STK24: variants seen among roughly 807,000 people sequenced by gnomAD.
STK24 encodes serine/threonine-protein kinase 24.
Under a neutral mutation model 55.6 loss-of-function variants are expected in STK24, and 21 were observed. That is an observed-to-expected ratio of 0.38 (90% CI 0.27 to 0.54). STK24 has a LOEUF of 0.54. Among genes scored for constraint, STK24 ranks in the 20% least tolerant of loss-of-function variants. The pLI, the probability that STK24 is intolerant of heterozygous loss-of-function variation, is 0.79. For synonymous variants in STK24, 200 were observed against 215.2 expected, an observed-to-expected ratio of 0.93 and a Z score of 0.62; for missense variants, 383 against 538.4, an observed-to-expected ratio of 0.71 and a Z score of 2.86.
At chr13:98,509,262 C>T (rs2139361762) in intron 2 of STK24, among the ~76,000 whole-genome samples, 1 of 152,174 alleles carries the variant, frequency 6.6e-6, no homozygotes, top group South Asian at 2.1e-4. Flanking sequence ...ACTGTTATAG[C>T]TAAGAGATTG....
chr13:98,566,809 T>C (rs1228107671), intron 1 of STK24, among the ~76,000 whole-genome samples: 3 of 152,194 alleles, frequency 2.0e-5, no homozygotes, highest in Non-Finnish European at 4.4e-5. Context: ...TTTTTCTGTG[T>C]GAATTACCTC....
chr13:98,558,227 A>G (rs1245392666), intron 1 of STK24, among the ~76,000 whole-genome samples: 1 of 152,142 alleles, frequency 6.6e-6, no homozygotes, highest in Non-Finnish European at 1.5e-5. Flanking sequence ...ATTGGCTGAT[A>G]TACCACCTAT....
At chr13:98,576,147 G>A (rs1897884922) in intron 1 of STK24, 26 of 985,050 alleles carry the variant, frequency 2.6e-5, no homozygotes, top group Non-Finnish European at 2.9e-5. Flanking sequence ...ACTTTCCCCC[G>A]GTCCGCAGGT....
intron 8 of STK24, 79 bp from the exon 9 acceptor site, chr13:98,460,519 G>T: frequency 1.7e-6 from 2 of 1,199,868 alleles, no homozygotes; most frequent in Non-Finnish European, 2.5e-6. Context: ...CTCCCACCTG[G>T]ACTATGGAAG....
rs55720452 is a variant in STK24 at position 98,538,222 on chromosome 13, C to CTTTTTTT, written c.43-18756_43-18750dup. ...AGGTCAATCACTGCTTTGGTGCTTG[C>CTTTTTTT]TTTTTTTTTTTTTTTTTTTTTGAGA... On this transcript the variant is annotated intron_variant, in intron 1 of 10. Transcript: ENST00000539966. 9.5e-4 allele frequency among the ~76,000 whole-genome samples: 87 copies of CTTTTTTT among 91,624 alleles called. 4 individuals carry two copies. Among genetic ancestry groups the CTTTTTTT allele is most frequent in the Non-Finnish European group, 1.3e-3 (63 of 48,854 alleles). The allele number at this position is 91,624 out of a possible 152,430, so 60.1% of individuals were successfully genotyped here.
intron 1 of STK24, among the ~76,000 whole-genome samples, chr13:98,540,759 A>G (rs1261670228): frequency 6.8e-6 from 1 of 146,962 alleles, no homozygotes; most frequent in South Asian, 2.3e-4. Flanking sequence ...CTAAATATTA[A>G]AAGCAAAAAA....
rs777629746 is a variant in STK24, at chr13:98,474,802, G to GCCCTCACCCTCC, written c.597+7_597+18dup. On this transcript the variant is annotated intron_variant, in intron 5 of 10. Transcript: ENST00000539966. ...TCCAGGCCTCGTGAGGCACGGCGCC[G>GCCCTCACCCTCC]CCCTCACCCTCCCCTCACCTTCGAG... 6.3e-7 allele frequency: 1 copy of GCCCTCACCCTCC among 1,598,038 alleles called. No homozygotes were observed. The highest frequency in any genetic ancestry group is 1.1e-5 in the South Asian group (1 of 88,810).
intron 7 of STK24, among the ~76,000 whole-genome samples, chr13:98,462,973 G>C (rs1041510775): frequency 6.6e-6 from 1 of 152,152 alleles, no homozygotes; most frequent in Non-Finnish European, 1.5e-5. Flanking sequence ...AGAACTTCCG[G>C]GGGCAGTGGT....
At chr13:98,502,857 G>A (rs1215833136) in intron 2 of STK24, among the ~76,000 whole-genome samples, 1 of 152,090 alleles carries the variant, frequency 6.6e-6, no homozygotes, top group Non-Finnish European at 1.5e-5. Context: ...AGAGGGAGAA[G>A]ACAGCACTGG....
chr13:98,521,891 C>G (rs1346065790), intron 1 of STK24: 1 of 893,592 alleles, frequency 1.1e-6, no homozygotes, highest in South Asian at 1.3e-5. Context: ...CAGTAACCCC[C>G]TTCTCGCTCC....
chr13:98,524,393 G>T (rs1216882538), intron 1 of STK24, among the ~76,000 whole-genome samples: 1 of 152,210 alleles, frequency 6.6e-6, no homozygotes, highest in Admixed American at 6.5e-5. Context: ...TCAGCAGCAT[G>T]TGGAGAGGCC....
chr13:98,491,491 C>T (rs1437568600), intron 2 of STK24, among the ~76,000 whole-genome samples: 2 of 152,070 alleles, frequency 1.3e-5, no homozygotes, highest in East Asian at 1.9e-4. Flanking sequence ...ACGATAAAAC[C>T]TGAAATAACA....
At chr13:98,520,885 G>A (rs879594965) in intron 1 of STK24, among the ~76,000 whole-genome samples, 7 of 152,264 alleles carry the variant, frequency 4.6e-5, no homozygotes, top group Non-Finnish European at 1.0e-4. Context: ...CAGGGGCGCA[G>A]AGCCCCTGCC....
rs1893091610 is a variant in STK24 at position 98,449,662 on chromosome 13, G to GTT, written c.*3509_*3510dup. 1 of 152,564 alleles carries GTT rather than the reference G, an allele frequency of 6.6e-6. No individual in the cohort carries two copies. The highest frequency in any genetic ancestry group is 1.5e-5 in the Non-Finnish European group (1 of 68,048). The allele number at this position is 152,564 out of a possible 1,614,324, so 9.5% of individuals were successfully genotyped here. On this transcript the variant is annotated 3_prime_UTR_variant, in exon 11 of 11. Transcript: ENST00000539966. ...CAAACGGACGAAGAGCCTGCCGTGT[G>GTT]TTAATCATTTGCCTTACAAGATGTA...
chr13:98,549,476 G>A lies in STK24; in HGVS notation c.42+27269C>T, dbSNP rs139316020. On this transcript the variant is annotated intron_variant, in intron 1 of 10. Transcript: ENST00000539966. Reference sequence around the variant, plus strand: ...CCCAGTGTTGGAGGTGGGGCCTGCTGGGAGGTGTTTGGATCATGGGGGTGG... The same window carrying A: ...CCCAGTGTTGGAGGTGGGGCCTGCTAGGAGGTGTTTGGATCATGGGGGTGG... Among the ~76,000 whole-genome samples, 618 of 152,314 alleles carry A rather than the reference G, an allele frequency of 4.1e-3. 4 individuals are homozygous for A. The highest frequency in any genetic ancestry group is 0.014 in the African/African-American group (594 of 41,554).
chr13:98,446,102 A>AGTT lies in STK24; in HGVS notation c.*7068_*7070dup. On this transcript the variant is annotated 3_prime_UTR_variant, in exon 11 of 11. Transcript: ENST00000539966. Reference sequence around the variant, plus strand: ...ACAGGCCTCCTTGCCTTTCAGAATCAGTTGTCTGGAAACCTGCTGAGGAAA... The same window carrying AGTT: ...ACAGGCCTCCTTGCCTTTCAGAATCAGTTGTTGTCTGGAAACCTGCTGAGGAAA... 4 of 1,612,124 alleles carry AGTT rather than the reference A, an allele frequency of 2.5e-6. No individual in the cohort carries two copies. Among genetic ancestry groups the AGTT allele is most frequent in the Non-Finnish European group, 3.4e-6 (4 of 1,178,226 alleles).
Position 98,448,188 on chromosome 13 carries a change from G to A in STK24, c.*4985C>T. On this transcript the variant is annotated 3_prime_UTR_variant, in exon 11 of 11. Transcript: ENST00000539966. ...TAAGCGATGCCCACCAAAGTGTCAGGAGTCCGTCCAAACAAAAGGTTGACT... is the reference window on the plus strand; with the variant it reads ...TAAGCGATGCCCACCAAAGTGTCAGAAGTCCGTCCAAACAAAAGGTTGACT... 1.3e-6 allele frequency: 2 copies of A among 1,496,910 alleles called. No individual in the cohort carries two copies. The highest frequency in any genetic ancestry group is 1.1e-5 in the South Asian group (1 of 88,664). The allele number at this position is 1,496,910 out of a possible 1,614,324, so 92.7% of individuals were successfully genotyped here.
At position 98,483,118 on chromosome 13, in the gene STK24, C is replaced by T. The variant is rs573129685; in HGVS notation, c.274-797G>A. Among the ~76,000 whole-genome samples the T allele has an allele frequency of 2.9e-3, 447 of 152,366 alleles. 3 individuals are homozygous for T. The highest frequency in any genetic ancestry group is 4.4e-3 in the Non-Finnish European group (297 of 68,044). ...TGGAAAACAAGCCCGCAAACCTGTC[C>T]GCCCTCCTTGGGGAGCCAGGCAGTG... On this transcript the variant is annotated intron_variant, in intron 2 of 10. Coordinates refer to ENST00000539966, the MANE Select transcript of STK24 (RefSeq NM_001032296.4).
At position 98,474,189 on chromosome 13, in the gene STK24, A is replaced by G. The variant is rs1463018658; in HGVS notation, c.597+632T>C. ...GGGCAACAGAGAAAAAGAATATGAG[A>G]AAAATTAGGAGAGTGTCCCTAACAC... On this transcript the variant is annotated intron_variant, in intron 5 of 10. Transcript: ENST00000539966. Among the ~76,000 whole-genome samples the G allele has an allele frequency of 4.6e-5, 7 of 152,166 alleles. No homozygotes were observed. In the South Asian group the frequency reaches 8.3e-4, roughly 18 times the overall value.
Sources: allele counts gnomAD v4.1 joint callset (sites outside exome capture counted in the v4.1 genomes callset), GRCh38; gene constraint gnomAD v4.1.1; transcripts MANE v1.5; gene names NCBI Gene and HGNC (gene_info 2026-07-23, HGNC 2026-07-21).